HABP2: variants seen among roughly 807,000 people sequenced by gnomAD.
HABP2 encodes the protein factor VII-activating protease.
HABP2 carries 65 observed loss-of-function variants against 66.5 expected under a neutral mutation model. The observed-to-expected ratio is 0.98, with a 90% CI of 0.80 to 1.20. The LOEUF (loss-of-function observed/expected upper bound fraction) is 1.20, where lower values mean the gene tolerates loss of function less well. HABP2 is among the 50% of genes most tolerant of loss of function. HABP2 has a pLI of 0.00. For missense variants in HABP2, 786 were observed against 691.0 expected (o/e 1.14, Z -1.54); for synonymous variants, 263 against 253.9 (o/e 1.04, Z -0.34).
intron 1 of HABP2, among the ~76,000 whole-genome samples, chr10:113,565,599 C>A (rs751485959): frequency 1.5e-4 from 23 of 152,226 alleles, no homozygotes; most frequent in African/African-American, 5.3e-4. Flanking sequence ...TGGATCCACC[C>A]CTATGCCCCA....
Position 113,584,209 on chromosome 10 carries a change from T to G in HABP2, c.1299T>G (p.Thr433=). 6.2e-7 allele frequency: 1 copy of G among 1,613,552 alleles called. No individual in the cohort carries two copies. The highest frequency in any genetic ancestry group is 8.5e-7 in the Non-Finnish European group (1 of 1,179,430). The part of the protein sequence containing the change: ...HCALESKYVK[T]VCLPDGSFPS... ...CTCTAGAATCCAAATACGTGAAGAC[T>G]GTGTGCTTGCCTGATGGGTCCTTTC... The change falls in exon 11 of 13, where the codon ACT becomes ACG. Residue 433 remains threonine, a synonymous_variant. Transcript: ENST00000351270.
In HABP2 at chr10:113,588,615, T is replaced by G. The variant is rs1480709402; in HGVS notation, c.*246T>G. 1 of 535,206 alleles carries G rather than the reference T, an allele frequency of 1.9e-6. No individual in the cohort carries two copies. The highest frequency in any genetic ancestry group is 3.3e-6 in the Non-Finnish European group (1 of 305,772). The allele number at this position is 535,206 out of a possible 1,614,324, so 33.2% of individuals were successfully genotyped here. On this transcript the variant is annotated 3_prime_UTR_variant, in exon 13 of 13. Transcript: ENST00000351270. ...TGGAATCAACACAACATAGTATGTT[T>G]GCTTTCCTTACCCAATTGTACCTTC... is the stretch of plus-strand genomic sequence containing the variant.
intron 2 of HABP2, chr10:113,572,684 AG>A: frequency 2.2e-6 from 1 of 455,416 alleles, no homozygotes; most frequent in South Asian, 1.6e-5. Flanking sequence ...TATTTGCTCC[AG>A]GAAGACAATG....
intron 2 of HABP2, among the ~76,000 whole-genome samples, chr10:113,573,422 G>A (rs1309355389): frequency 1.3e-5 from 2 of 152,240 alleles, no homozygotes; most frequent in African/African-American, 4.8e-5. Context: ...AATGGGGATG[G>A]TGGGACACAT....
At position 113,584,131 on chromosome 10, in the gene HABP2, CCT is replaced by C. The variant is rs777303448; in HGVS notation, c.1238-9_1238-8del. Reference sequence around the variant, plus strand: ...GAGGTGACATCGCATCCATTTTCTACCTCTCTCTCCACCTAGCATTGCTCAAG... The same window carrying C: ...GAGGTGACATCGCATCCATTTTCTACCTCTCTCCACCTAGCATTGCTCAAG... On this transcript the variant is annotated splice_polypyrimidine_tract_variant and intron_variant, in intron 10 of 12. Transcript: ENST00000351270. 14 of 1,611,268 alleles carry C rather than the reference CCT, an allele frequency of 8.7e-6. No individual in the cohort carries two copies. The highest frequency in any genetic ancestry group is 1.1e-5 in the Non-Finnish European group (13 of 1,178,066).
At chr10:113,563,387 T>TC (rs1268876606) in intron 1 of HABP2, among the ~76,000 whole-genome samples, 1 of 152,182 alleles carries the variant, frequency 6.6e-6, no homozygotes, top group Non-Finnish European at 1.5e-5. Context: ...GCCTGGACTT[T>TC]CCCATACGGT....
At chr10:113,582,242 T>G in intron 9 of HABP2, 111 bp downstream of exon 9, 1 of 1,072,864 alleles carries the variant, frequency 9.3e-7, no homozygotes, top group Non-Finnish European at 1.3e-6. Context: ...GGGTCTGATC[T>G]GTTCAAGGGC....
In HABP2 at chr10:113,578,774, G is replaced by C; in HGVS notation, c.716G>C (p.Gly239Ala). Residue 239 changes from glycine to alanine, a missense_variant, in exon 7 of 13, where the codon GGG becomes GCG. By Grantham distance (60) the Gly-to-Ala change is moderately conservative (BLOSUM62 0). Transcript: ENST00000351270. The stretch of plus-strand genomic sequence containing the variant: ...TTTATGGAGGATGCTGAAACCCATG[G>C]GATTGGGGAACACAATTTCTGCAGG... ...NMFMEDAETH[G>A]IGEHNFCRNP... 6.2e-7 allele frequency: 1 copy of C among 1,611,438 alleles called. No individual in the cohort carries two copies. Among genetic ancestry groups the C allele is most frequent in the Non-Finnish European group, 8.5e-7 (1 of 1,178,086 alleles).
intron 2 of HABP2, among the ~76,000 whole-genome samples, chr10:113,568,954 G>A (rs1461031309): frequency 1.3e-5 from 2 of 152,238 alleles, no homozygotes; most frequent in Non-Finnish European, 2.9e-5. Flanking sequence ...GCAACTGTAA[G>A]CAGTGGCCCT....
chr10:113,552,127 A>G (rs4387289), upstream of HABP2, among the ~76,000 whole-genome samples: 146,602 of 152,130 alleles, frequency 0.96, 70,728 homozygotes, highest in East Asian at 1. Context: ...GATGCAGTCC[A>G]CGTGCCAAAC....
chr10:113,578,775 G>A lies in HABP2; in HGVS notation c.717G>A (p.Gly239=), dbSNP rs772317550. ...NMFMEDAETH[G]IGEHNFCRNP... ...TTATGGAGGATGCTGAAACCCATGG[G>A]ATTGGGGAACACAATTTCTGCAGGT... The change falls in exon 7 of 13, where the codon GGG becomes GGA. Residue 239 remains glycine, a synonymous_variant. Transcript: ENST00000351270. 1.2e-6 allele frequency: 2 copies of A among 1,611,688 alleles called. No individual in the cohort carries two copies. The highest frequency in any genetic ancestry group is 2.2e-5 in the South Asian group (2 of 90,950).
At chr10:113,586,011 G>A (rs1472224193) in intron 12 of HABP2, 73 bp downstream of exon 12, 1 of 1,378,438 alleles carries the variant, frequency 7.3e-7, no homozygotes, top group African/African-American at 1.4e-5. Flanking sequence ...GACCCTTAGA[G>A]CCCTGGGCTG....
At chr10:113,577,470 A>G (rs1211433682) in intron 5 of HABP2, among the ~76,000 whole-genome samples, 1 of 152,134 alleles carries the variant, frequency 6.6e-6, no homozygotes, top group East Asian at 1.9e-4. Context: ...TTCCCACCCA[A>G]AAAGAATCAT....
chr10:113,566,826 A>G (rs1845205874), intron 1 of HABP2, among the ~76,000 whole-genome samples: 3 of 152,298 alleles, frequency 2.0e-5, no homozygotes, highest in East Asian at 3.9e-4. Context: ...GGAGGAATTT[A>G]TCTTGCGCCA....
intron 3 of HABP2, 89 bp downstream of exon 3, chr10:113,574,494 C>A: frequency 1.4e-6 from 1 of 693,298 alleles, no homozygotes; most frequent in Admixed American, 2.3e-5. Context: ...TCTCTCTCCG[C>A]CTCTCTGGCC....
At chr10:113,587,346 A>C (rs76864704) in intron 12 of HABP2, among the ~76,000 whole-genome samples, 1 of 151,892 alleles carries the variant, frequency 6.6e-6, no homozygotes, top group African/African-American at 2.4e-5. Context: ...AACAAAAAAA[A>C]ACCTCATTCA....
At chr10:113,581,572 G>A (rs899828564) in intron 8 of HABP2, among the ~76,000 whole-genome samples, 13 of 152,220 alleles carry the variant, frequency 8.5e-5, no homozygotes, top group African/African-American at 2.7e-4. Context: ...TACCCAGTGA[G>A]GGATTTGTAT....
At chr10:113,570,779 G>A (rs1041731706) in intron 2 of HABP2, among the ~76,000 whole-genome samples, 3 of 152,176 alleles carry the variant, frequency 2.0e-5, no homozygotes, top group African/African-American at 7.2e-5. Flanking sequence ...AAAGCAGAAA[G>A]GCTTAGCCAC....
chr10:113,578,055 C>A lies in HABP2; in HGVS notation c.478C>A (p.Gln160Lys). Reference protein sequence around the residue: ...VVPVCRPNPCQNGATCSRHKR... With the variant: ...VVPVCRPNPCKNGATCSRHKR... ...TCCTGTATGCAGGCCAAACCCCTGC[C>A]AGAATGGGGCTACCTGCTCCCGGCA... The change falls in exon 6 of 13, where the codon CAG (glutamine) becomes AAG (lysine). Residue 160 changes from glutamine (Q) to lysine (K), a missense_variant. Transcript: ENST00000351270. 1 of 1,614,134 alleles carries A rather than the reference C, an allele frequency of 6.2e-7. No homozygotes were observed.
Sources: gnomAD v4.1 joint callset for allele counts (sites outside exome capture counted in the v4.1 genomes callset) on GRCh38, gnomAD v4.1.1 for gene constraint, MANE v1.5 for transcripts, NCBI Gene and HGNC (gene_info 2026-07-23, HGNC 2026-07-21) for gene names.